The following ELK3 variants were observed in gnomAD, a reference collection of about 807,000 sequenced individuals.
ELK3 encodes the protein ETS transcription factor ELK3.
Under a neutral mutation model 28.9 loss-of-function variants are expected in ELK3, and 10 were observed. The ratio of observed to expected loss-of-function variants is 0.35; its 90% confidence interval spans 0.21 to 0.59. The LOEUF (loss-of-function observed/expected upper bound fraction) is 0.59, where lower values mean the gene tolerates loss of function less well. Among genes scored for constraint, ELK3 ranks in the 20% least tolerant of loss-of-function variants. The pLI, the probability that ELK3 is intolerant of heterozygous loss-of-function variation, is 0.82. For synonymous variants in ELK3, 272 were observed against 243.5 expected (o/e 1.12, Z -1.09); for missense variants, 463 against 517.3 (o/e 0.90, Z 1.02).
intron 2 of ELK3, among the ~76,000 whole-genome samples, chr12:96,231,336 A>C (rs1363217955): frequency 6.6e-6 from 1 of 152,214 alleles, no homozygotes; most frequent in East Asian, 1.9e-4. Context: ...TCACTCCTTA[A>C]CATCAGACAG....
intron 3 of ELK3, among the ~76,000 whole-genome samples, chr12:96,257,144 A>T (rs1033627461): frequency 6.6e-6 from 1 of 152,222 alleles, no homozygotes; most frequent in Non-Finnish European, 1.5e-5. Context: ...CCTCAGGCTC[A>T]GCCCACTCTG....
chr12:96,209,180 C>T (rs1477340656), intron 1 of ELK3, among the ~76,000 whole-genome samples: 1 of 152,096 alleles, frequency 6.6e-6, no homozygotes, highest in East Asian at 1.9e-4. Context: ...TGCAGGATGC[C>T]ATCGATGCAA....
intron 1 of ELK3, among the ~76,000 whole-genome samples, chr12:96,222,046 C>G (rs958014703): frequency 3.3e-5 from 5 of 152,252 alleles, no homozygotes; most frequent in Admixed American, 6.5e-5. Context: ...CCCTCCTATC[C>G]AAGGGGATGA....
At chr12:96,228,121 T>TA (rs1268127399) in intron 2 of ELK3, among the ~76,000 whole-genome samples, 3 of 151,110 alleles carry the variant, frequency 2.0e-5, no homozygotes, top group East Asian at 1.9e-4. Context: ...CACAATTTAT[T>TA]AAAAAAAAGA....
chr12:96,196,427 G>T (rs1306875321), intron 1 of ELK3, among the ~76,000 whole-genome samples: 4 of 152,008 alleles, frequency 2.6e-5, no homozygotes, highest in Non-Finnish European at 4.4e-5. Flanking sequence ...GGGGTGGGGG[G>T]GGTGTGGAGC....
chr12:96,231,977 C>T (rs759298155), intron 2 of ELK3, among the ~76,000 whole-genome samples: 1 of 152,100 alleles, frequency 6.6e-6, no homozygotes, highest in African/African-American at 2.4e-5. Flanking sequence ...ATGGCCAATG[C>T]TGGGGTCTTC....
chr12:96,200,506 T>G (rs1388696064), intron 1 of ELK3, among the ~76,000 whole-genome samples: 1 of 152,118 alleles, frequency 6.6e-6, no homozygotes, highest in Admixed American at 6.5e-5. Context: ...TTTTTTGGCT[T>G]ATGTATTTAG....
intron 3 of ELK3, among the ~76,000 whole-genome samples, chr12:96,254,952 T>A (rs561809133): frequency 3.9e-5 from 6 of 152,134 alleles, no homozygotes; most frequent in African/African-American, 9.6e-5. Context: ...AGGGGAGGTA[T>A]AGCAATAGGA....
intron 1 of ELK3, among the ~76,000 whole-genome samples, chr12:96,216,522 G>T (rs1177519859): frequency 6.6e-6 from 1 of 152,190 alleles, no homozygotes; most frequent in Non-Finnish European, 1.5e-5. Context: ...AGTCTCCCTG[G>T]ATTTCAGTGC....
chr12:96,226,544 A>T (rs561618937), intron 2 of ELK3, among the ~76,000 whole-genome samples: 4 of 150,556 alleles, frequency 2.7e-5, no homozygotes, highest in Non-Finnish European at 5.9e-5. Flanking sequence ...GTCCACACAG[A>T]TGTCCACATG....
At chr12:96,249,902 G>A (rs934428775) in intron 3 of ELK3, among the ~76,000 whole-genome samples, 23 of 152,324 alleles carry the variant, frequency 1.5e-4, no homozygotes, top group African/African-American at 5.3e-4. Context: ...GTGGGAAGGC[G>A]TAGGAAAGCC....
At chr12:96,241,671 G>A (rs1235537553) in intron 2 of ELK3, among the ~76,000 whole-genome samples, 1 of 152,214 alleles carries the variant, frequency 6.6e-6, no homozygotes, top group African/African-American at 2.4e-5. Flanking sequence ...CCCCAGAGGT[G>A]GCTGGTGAGT....
intron 1 of ELK3, among the ~76,000 whole-genome samples, chr12:96,211,209 A>T (rs1040446072): frequency 6.6e-6 from 1 of 152,346 alleles, no homozygotes; most frequent in East Asian, 1.9e-4. Flanking sequence ...CTCCTATTTA[A>T]TAAAGTAATG....
intron 2 of ELK3, among the ~76,000 whole-genome samples, chr12:96,235,403 G>A (rs990112700): frequency 9.9e-5 from 15 of 152,036 alleles, no homozygotes; most frequent in Admixed American, 2.6e-4. Context: ...TTACGGGGCC[G>A]CATGCTGGGT....
At chr12:96,259,180 C>A (rs2137041938) in intron 3 of ELK3, among the ~76,000 whole-genome samples, 1 of 152,310 alleles carries the variant, frequency 6.6e-6, no homozygotes, top group East Asian at 1.9e-4. Context: ...CTTGAATTTT[C>A]CACCAGAATG....
chr12:96,230,946 C>T (rs541677992), intron 2 of ELK3, among the ~76,000 whole-genome samples: 2 of 152,308 alleles, frequency 1.3e-5, no homozygotes, highest in South Asian at 4.1e-4. Context: ...AGGAGTGATG[C>T]CCCATCCAGG....
In ELK3 at chr12:96,267,191, C is replaced by T. The variant is rs1380281346; in HGVS notation, c.*11C>T. The T allele has an allele frequency of 6.2e-7, 1 of 1,608,802 alleles. No individual in the cohort carries two copies. Among genetic ancestry groups the T allele is most frequent in the East Asian group, 2.2e-5 (1 of 44,812 alleles). On this transcript the variant is annotated 3_prime_UTR_variant, in exon 5 of 5. Coordinates refer to ENST00000228741, the MANE Select transcript of ELK3 (RefSeq NM_005230.4). ...TCTCAGAAATCCTGATGACGTCTGGCCACAATTAAGGACTCATTAACTGAT... is the reference window on the plus strand; with the variant it reads ...TCTCAGAAATCCTGATGACGTCTGGTCACAATTAAGGACTCATTAACTGAT...
chr12:96,264,298 T>C (rs559135557), intron 4 of ELK3, among the ~76,000 whole-genome samples: 1 of 152,242 alleles, frequency 6.6e-6, no homozygotes. Flanking sequence ...GAGGAAATGA[T>C]ACTACAAATA....
chr12:96,255,836 GAAAAGT>G (rs1010441901), intron 3 of ELK3, among the ~76,000 whole-genome samples: 35 of 152,288 alleles, frequency 2.3e-4, no homozygotes, highest in African/African-American at 8.2e-4. Flanking sequence ...GAGTCAGATT[GAAAAGT>G]AAGTCACCAT....
Sources: allele counts gnomAD v4.1 joint callset (sites outside exome capture counted in the v4.1 genomes callset), GRCh38; gene constraint gnomAD v4.1.1; transcripts MANE v1.5; gene names NCBI Gene and HGNC (gene_info 2026-07-23, HGNC 2026-07-21).